Variants in IL1RL1 observed in about 807,000 individuals in gnomAD.
The protein encoded by IL1RL1 is interleukin 1 receptor like 1.
A neutral mutation model predicts 50.9 loss-of-function variants in IL1RL1; 32 were observed. The ratio of observed to expected loss-of-function variants is 0.63; its 90% CI spans 0.47 to 0.84. IL1RL1 has a LOEUF of 0.84. IL1RL1 is among the 40% of genes least tolerant of loss of function. IL1RL1 has a pLI of 0.00. For synonymous variants in IL1RL1, 275 were observed against 236.0 expected, an observed-to-expected ratio of 1.17 and a Z score of -1.51; for missense variants, 773 against 662.9, an observed-to-expected ratio of 1.17 and a Z score of -1.82.
intron 8 of IL1RL1, chr2:102,343,719 CT>C (rs1677673964): frequency 1.6e-6 from 2 of 1,289,152 alleles, no homozygotes; most frequent in Non-Finnish European, 2.0e-6. Flanking sequence ...CTCTGTGTCA[CT>C]GTATGTGAAA....
intron 8 of IL1RL1, among the ~76,000 whole-genome samples, chr2:102,346,486 A>G (rs1259481924): frequency 1.3e-5 from 2 of 152,200 alleles, no homozygotes; most frequent in African/African-American, 4.8e-5. Context: ...ATTCACACTT[A>G]CGAAGACTTC....
chr2:102,347,631 A>C (rs761089638), intron 8 of IL1RL1, among the ~76,000 whole-genome samples: 32 of 152,148 alleles, frequency 2.1e-4, no homozygotes, highest in Non-Finnish European at 2.4e-4. Context: ...TCCCTTTCCC[A>C]GTCCTGCATG....
At position 102,324,013 on chromosome 2, in the gene IL1RL1, CT is replaced by C. The variant is rs33934744; in HGVS notation, c.-150+12404del. Among the ~76,000 whole-genome samples, 656 of 138,160 alleles carry C rather than the reference CT, an allele frequency of 4.7e-3. 3 individuals carry two copies. Among genetic ancestry groups the C allele is most frequent in the East Asian group, 0.035 (162 of 4,684 alleles). The allele number at this position is 138,160 out of a possible 152,430, so 90.6% of individuals were successfully genotyped here. ...ATGTTTCTAAGATTCATCAGTAGTT[CT>C]TTTTTTTTTTTTTGCTGAGTAGTGT... On this transcript the variant is annotated intron_variant, in intron 1 of 10. Transcript: ENST00000233954.
At chr2:102,329,803 C>A (rs1677121867) in intron 1 of IL1RL1, among the ~76,000 whole-genome samples, 1 of 152,156 alleles carries the variant, frequency 6.6e-6, no homozygotes, top group Non-Finnish European at 1.5e-5. Flanking sequence ...CATCTCACAC[C>A]AGTTAGAATG....
At chr2:102,321,682 T>C (rs919711445) in intron 1 of IL1RL1, among the ~76,000 whole-genome samples, 1 of 152,152 alleles carries the variant, frequency 6.6e-6, no homozygotes, top group Non-Finnish European at 1.5e-5. Flanking sequence ...CCAATCTCTC[T>C]CTCAAACTTA....
At chr2:102,334,245 G>A (rs2104978055) in intron 1 of IL1RL1, among the ~76,000 whole-genome samples, 1 of 152,234 alleles carries the variant, frequency 6.6e-6, no homozygotes, top group East Asian at 1.9e-4. Flanking sequence ...GCCAACATCT[G>A]CTGTTTTTTG....
chr2:102,335,855 T>C (rs532615327), intron 1 of IL1RL1, among the ~76,000 whole-genome samples: 3 of 152,200 alleles, frequency 2.0e-5, no homozygotes, highest in Admixed American at 2.0e-4. Context: ...CGCTGGCTCC[T>C]GGCTGTGATC....
rs1029831354 is a variant in IL1RL1, at chr2:102,321,692, AC to A, written c.-150+10071del. Among the ~76,000 whole-genome samples the A allele has an allele frequency of 2.6e-5, 4 of 152,304 alleles. No individual in the cohort carries two copies. In the East Asian group the frequency reaches 7.7e-4, roughly 29 times the overall value. Reference sequence around the variant, plus strand: ...ATGACCCAATCTCTCTCTCAAACTTACCAAAATCACCAAGGAATCATAAATC... The same window carrying A: ...ATGACCCAATCTCTCTCTCAAACTTACAAAATCACCAAGGAATCATAAATC... On this transcript the variant is annotated intron_variant, in intron 1 of 10. Transcript: ENST00000233954.
At chr2:102,342,526 T>G (rs1054247300) in intron 6 of IL1RL1, among the ~76,000 whole-genome samples, 1 of 152,158 alleles carries the variant, frequency 6.6e-6, no homozygotes, top group Non-Finnish European at 1.5e-5. Context: ...TCATGATGCT[T>G]TCATGTATGC....
intron 1 of IL1RL1, among the ~76,000 whole-genome samples, chr2:102,319,641 C>A (rs1676779332): frequency 6.6e-6 from 1 of 152,116 alleles, no homozygotes. Context: ...GATTTCTGCC[C>A]TTATAGAATT....
intron 1 of IL1RL1, among the ~76,000 whole-genome samples, chr2:102,329,576 T>G (rs1462362001): frequency 2.6e-5 from 4 of 152,158 alleles, no homozygotes; most frequent in African/African-American, 9.7e-5. Context: ...GAGAAAATTT[T>G]TGCAATCTAC....
At chr2:102,317,251 G>A (rs1676703951) in intron 1 of IL1RL1, among the ~76,000 whole-genome samples, 1 of 152,130 alleles carries the variant, frequency 6.6e-6, no homozygotes, top group South Asian at 2.1e-4. Context: ...CTACTCGGGA[G>A]GCTGAGGCAG....
intron 8 of IL1RL1, 164 bp downstream of exon 8, chr2:102,343,579 T>A: frequency 1.3e-6 from 2 of 1,499,804 alleles, no homozygotes. Flanking sequence ...CTTTGTAGAC[T>A]GTTCCTGTTT....
chr2:102,340,610 G>A, intron 4 of IL1RL1, 56 bp from the exon 5 acceptor site: 1 of 1,540,208 alleles, frequency 6.5e-7, no homozygotes. Flanking sequence ...TCTGTCAACA[G>A]ATAAATAAAT....
At chr2:102,332,693 G>GTT (rs1677207932) in intron 1 of IL1RL1, among the ~76,000 whole-genome samples, 2 of 152,270 alleles carry the variant, frequency 1.3e-5, no homozygotes, top group South Asian at 4.1e-4. Flanking sequence ...TGGGTATGGG[G>GTT]TTATACTCGG....
At chr2:102,340,894 C>CCA in intron 5 of IL1RL1, 66 bp downstream of exon 5, 1 of 1,313,672 alleles carries the variant, frequency 7.6e-7, no homozygotes, top group African/African-American at 1.5e-5. Context: ...ACAGCGGTGC[C>CCA]CTTCTGGTTG....
chr2:102,350,911 G>A (rs1039832722), intron 10 of IL1RL1, among the ~76,000 whole-genome samples: 4 of 152,188 alleles, frequency 2.6e-5, no homozygotes, highest in African/African-American at 9.7e-5. Flanking sequence ...GGTATTTCAT[G>A]TTCTTTCTGA....
chr2:102,343,314 C>T lies in IL1RL1; in HGVS notation c.869C>T (p.Ala290Val). 6.2e-7 allele frequency: 1 copy of T among 1,614,188 alleles called. No individual in the cohort carries two copies. Among genetic ancestry groups the T allele is most frequent in the Non-Finnish European group, 8.5e-7 (1 of 1,180,040 alleles). ...LACLDMVLRI[A>V]DVKEEDLLLQ... is the part of the protein sequence containing the mutation. The stretch of plus-strand genomic sequence containing the variant: ...TGTCTAGACATGGTTTTAAGAATAG[C>T]TGACGTGAAGGAAGAGGATTTATTG... The change falls in exon 8 of 11, where the codon GCT (alanine) becomes GTT (valine). Residue 290 changes from alanine to valine, a missense_variant. Physicochemically the swap from Ala to Val is moderately conservative, Grantham distance 64 (BLOSUM62 0). Coordinates refer to ENST00000233954, the MANE Select transcript of IL1RL1 (RefSeq NM_016232.5).
At chr2:102,341,441 A>G in intron 5 of IL1RL1, 1 of 683,570 alleles carries the variant, frequency 1.5e-6, no homozygotes, top group Non-Finnish European at 1.9e-6. Context: ...TTTCACAATC[A>G]TAGCTTATCA....
Sources: gnomAD v4.1 joint callset for allele counts (sites outside exome capture counted in the v4.1 genomes callset) on GRCh38, gnomAD v4.1.1 for gene constraint, MANE v1.5 for transcripts, NCBI Gene and HGNC (gene_info 2026-07-23, HGNC 2026-07-21) for gene names.